The following DKK2 variants were observed in gnomAD, a reference collection of about 807,000 sequenced individuals.
DKK2 encodes the protein dickkopf Wnt signaling pathway inhibitor 2.
Under a neutral mutation model 28.1 loss-of-function variants are expected in DKK2, and 11 were observed. The observed-to-expected ratio is 0.39, with a 90% CI of 0.25 to 0.65. The LOEUF (loss-of-function observed/expected upper bound fraction) is 0.65. DKK2 is among the 30% of genes least tolerant of loss of function. The probability of loss-of-function intolerance (pLI) is 0.47; values close to 1 mark genes in which losing one functional copy is unlikely to be tolerated. For missense variants in DKK2, 326 were observed against 335.5 expected (o/e 0.97, Z 0.22); for synonymous variants, 135 against 126.5 (o/e 1.07, Z -0.45).
At chr4:107,021,101 T>C (rs181373829) in intron 1 of DKK2, among the ~76,000 whole-genome samples, 60 of 152,218 alleles carry the variant, frequency 3.9e-4, no homozygotes, top group Non-Finnish European at 6.5e-4. Context: ...CTTAAAGCAA[T>C]TGACATGGAA....
chr4:106,938,156 T>C (rs1397964618), intron 1 of DKK2, among the ~76,000 whole-genome samples: 31 of 142,938 alleles, frequency 2.2e-4, no homozygotes, highest in South Asian at 7.0e-4. Context: ...CAAAAAACCC[T>C]TCAAAAAATT....
chr4:107,001,296 C>G (rs1030274988), intron 1 of DKK2, among the ~76,000 whole-genome samples: 1 of 152,112 alleles, frequency 6.6e-6, no homozygotes, highest in Non-Finnish European at 1.5e-5. Context: ...CTGCCAACAC[C>G]TTGATTTTAG....
intron 1 of DKK2, among the ~76,000 whole-genome samples, chr4:106,941,838 TTTTTC>T (rs1299864943): frequency 6.6e-6 from 1 of 152,154 alleles, no homozygotes; most frequent in African/African-American, 2.4e-5. Flanking sequence ...ATGGAGGGAA[TTTTTC>T]TTTTAAGTTT....
chr4:106,972,894 T>C (rs11097940), intron 1 of DKK2, among the ~76,000 whole-genome samples: 30,633 of 152,026 alleles, frequency 0.2, 3,383 homozygotes, highest in East Asian at 0.42. Context: ...CTCTGACCCT[T>C]CCACCCCACT....
At chr4:107,022,487 C>T (rs1578381748) in intron 1 of DKK2, among the ~76,000 whole-genome samples, 1 of 152,246 alleles carries the variant, frequency 6.6e-6, no homozygotes, top group East Asian at 1.9e-4. Context: ...TTAAGTAAGA[C>T]TGCTTGGCCT....
At chr4:106,940,323 G>C (rs1419963298) in intron 1 of DKK2, among the ~76,000 whole-genome samples, 1 of 152,148 alleles carries the variant, frequency 6.6e-6, no homozygotes, top group Non-Finnish European at 1.5e-5. Flanking sequence ...CGTCTCAAAA[G>C]AAGACATTTA....
chr4:107,024,112 C>A (rs1723735696), intron 1 of DKK2, among the ~76,000 whole-genome samples: 1 of 152,100 alleles, frequency 6.6e-6, no homozygotes, highest in African/African-American at 2.4e-5. Flanking sequence ...TTTCTCTGAA[C>A]TTTGTCTATT....
chr4:106,926,004 T>C (rs1311756311), intron 1 of DKK2, 55 bp from the exon 2 acceptor site: 3 of 1,531,772 alleles, frequency 2.0e-6, no homozygotes, highest in Non-Finnish European at 1.8e-6. Flanking sequence ...GTTTCACTTA[T>C]GAAACATTAC....
chr4:106,982,877 A>AC (rs1369095085), intron 1 of DKK2, among the ~76,000 whole-genome samples: 3 of 151,708 alleles, frequency 2.0e-5, no homozygotes, highest in Non-Finnish European at 4.4e-5. Flanking sequence ...ATCTCAAAAA[A>AC]AAAAAAAATC....
At chr4:106,942,689 A>G (rs538808313) in intron 1 of DKK2, among the ~76,000 whole-genome samples, 7 of 152,250 alleles carry the variant, frequency 4.6e-5, no homozygotes, top group African/African-American at 1.7e-4. Context: ...AAACAAAACA[A>G]ATTAAATTTA....
intron 1 of DKK2, among the ~76,000 whole-genome samples, chr4:107,004,256 G>A (rs905503295): frequency 6.6e-6 from 1 of 152,144 alleles, no homozygotes; most frequent in Non-Finnish European, 1.5e-5. Flanking sequence ...CAAGTGTTTA[G>A]AGATATGGAT....
intron 1 of DKK2, among the ~76,000 whole-genome samples, chr4:106,978,425 A>C (rs1302793694): frequency 6.6e-6 from 1 of 152,108 alleles, no homozygotes; most frequent in African/African-American, 2.4e-5. Flanking sequence ...CCTTTCTTTC[A>C]TAGTTGCCCT....
rs569061910 is a variant in DKK2 at position 106,935,583 on chromosome 4, G to T, written c.223-9634C>A. 3.2e-4 allele frequency among the ~76,000 whole-genome samples: 48 copies of T among 152,350 alleles called. 2 individuals are homozygous for T. The South Asian group carries it at 9.5e-3, about 30-fold the overall frequency. ...CAGGCTTGCTTAGATAACCAAAGCAGCCTGGAAGCTCCAACTGGGTGGAGC... is the reference window on the plus strand; with the variant it reads ...CAGGCTTGCTTAGATAACCAAAGCATCCTGGAAGCTCCAACTGGGTGGAGC... On this transcript the variant is annotated intron_variant, in intron 1 of 3. Coordinates refer to ENST00000285311, the MANE Select transcript of DKK2 (RefSeq NM_014421.3).
intron 1 of DKK2, among the ~76,000 whole-genome samples, chr4:106,936,301 A>G (rs372772656): frequency 1.3e-5 from 2 of 152,182 alleles, no homozygotes; most frequent in Non-Finnish European, 2.9e-5. Flanking sequence ...ACCAAGGCTC[A>G]AGAACTACGT....
intron 1 of DKK2, among the ~76,000 whole-genome samples, chr4:106,966,743 G>A (rs1296874700): frequency 6.6e-6 from 1 of 152,122 alleles, no homozygotes; most frequent in Non-Finnish European, 1.5e-5. Context: ...GAATTATATG[G>A]ATGGCAGCAG....
intron 1 of DKK2, among the ~76,000 whole-genome samples, chr4:106,969,922 C>G (rs1722840700): frequency 6.6e-6 from 1 of 152,018 alleles, no homozygotes; most frequent in Non-Finnish European, 1.5e-5. Flanking sequence ...AACTACAGAC[C>G]TGGCTGGGAA....
chr4:106,947,264 G>A (rs529586734), intron 1 of DKK2, among the ~76,000 whole-genome samples: 54 of 152,150 alleles, frequency 3.5e-4, no homozygotes, highest in African/African-American at 1.2e-3. Context: ...CATACATCCT[G>A]GAGGTGTGAC....
At chr4:107,017,924 C>T (rs1341964181) in intron 1 of DKK2, among the ~76,000 whole-genome samples, 1 of 151,988 alleles carries the variant, frequency 6.6e-6, no homozygotes, top group African/African-American at 2.4e-5. Flanking sequence ...CATTTCAGTA[C>T]AAATTTTTAG....
chr4:106,967,840 A>G (rs751839851), intron 1 of DKK2, among the ~76,000 whole-genome samples: 5 of 151,438 alleles, frequency 3.3e-5, no homozygotes, highest in Middle Eastern at 3.4e-3. Flanking sequence ...AAGGAAGGCA[A>G]AGAAAGAAGA....
Sources: allele counts gnomAD v4.1 joint callset (sites outside exome capture counted in the v4.1 genomes callset), GRCh38; gene constraint gnomAD v4.1.1; transcripts MANE v1.5; gene names NCBI Gene and HGNC (gene_info 2026-07-23, HGNC 2026-07-21).